BICRA: variants seen among roughly 807,000 people sequenced by gnomAD.
BICRA encodes the protein BRD4 interacting chromatin remodeling complex associated protein.
Under a neutral mutation model 96.9 loss-of-function variants are expected in BICRA, and 31 were observed. That is an observed-to-expected ratio of 0.32 (90% confidence interval 0.24 to 0.43). The LOEUF (loss-of-function observed/expected upper bound fraction) is 0.43, where lower values mean the gene tolerates loss of function less well. Ranked by LOEUF, BICRA falls within the 20% of genes least tolerant of loss-of-function variation. BICRA has a pLI of 1.00. For missense variants in BICRA, 2,283 were observed against 2,190.3 expected, an observed-to-expected ratio of 1.04 and a Z score of -0.84; for synonymous variants, 1,350 against 1,071.8, an observed-to-expected ratio of 1.26 and a Z score of -5.07.
intron 5 of BICRA, among the ~76,000 whole-genome samples, chr19:47,677,204 C>T (rs560433385): frequency 6.9e-4 from 105 of 152,256 alleles, no homozygotes; most frequent in African/African-American, 2.4e-3. Flanking sequence ...TGCCAGGGGC[C>T]GGGTGATACC....
intron 5 of BICRA, 122 bp downstream of exon 5, chr19:47,676,038 G>GGGGTGGGCCACCCAGGGT (rs1207087773): frequency 3.1e-6 from 2 of 644,292 alleles, no homozygotes; most frequent in African/African-American, 1.9e-5. Context: ...GAGGAGGGCG[G>GGGGTGGGCCACCCAGGGT]GGGTGGGCCA....
intron 1 of BICRA, among the ~76,000 whole-genome samples, chr19:47,616,924 G>A (rs559620198): frequency 4.6e-5 from 7 of 151,870 alleles, no homozygotes; most frequent in Admixed American, 3.3e-4. Context: ...CGCCTCCCAG[G>A]TTCAAGTGAT....
chr19:47,653,330 AT>A (rs144356560), intron 1 of BICRA, among the ~76,000 whole-genome samples: 9,534 of 143,932 alleles, frequency 0.066, 338 homozygotes, highest in Non-Finnish European at 0.083. Context: ...GCCTCATTCT[AT>A]TTTTTTTTTT....
At chr19:47,694,021 C>CG in intron 7 of BICRA, 94 bp from the exon 8 acceptor site, 1 of 1,404,890 alleles carries the variant, frequency 7.1e-7, no homozygotes, top group Non-Finnish European at 9.3e-7. Context: ...GGGCTTCTGG[C>CG]GGGGATGGCT....
intron 7 of BICRA, among the ~76,000 whole-genome samples, chr19:47,686,995 A>C (rs1393653841): frequency 1.3e-5 from 2 of 152,258 alleles, no homozygotes; most frequent in African/African-American, 4.8e-5. Context: ...TAATAGATGT[A>C]TATTAACATT....
rs144554024 is a variant in BICRA, at chr19:47,628,095, T to C, written c.-108+18927T>C. The stretch of plus-strand genomic sequence containing the variant: ...GGTGTGGGGTTTAATTGGGATGATA[T>C]GTTGTGGAGTGACTGGCACATGACA... On this transcript the variant is annotated intron_variant, in intron 1 of 14. Coordinates refer to ENST00000594866, the MANE Select transcript of BICRA (RefSeq NM_001394372.1). Among the ~76,000 whole-genome samples the C allele has an allele frequency of 4.5e-3, 688 of 152,298 alleles. 3 individuals are homozygous for C. Among genetic ancestry groups the C allele is most frequent in the Admixed American group, 7.7e-3 (117 of 15,290 alleles).
At chr19:47,664,809 CAG>C (rs1491427462) in intron 1 of BICRA, among the ~76,000 whole-genome samples, 1 of 152,186 alleles carries the variant, frequency 6.6e-6, no homozygotes, top group Admixed American at 6.5e-5. Context: ...TTCTGGAACT[CAG>C]GGGAACTATG....
intron 1 of BICRA, among the ~76,000 whole-genome samples, chr19:47,629,689 G>T (rs1050093476): frequency 2.0e-5 from 3 of 151,734 alleles, no homozygotes; most frequent in African/African-American, 7.3e-5. Flanking sequence ...ACGGAGTCTC[G>T]CTCTGTCGCC....
In BICRA at chr19:47,701,564, G is replaced by A. The variant is rs1016769413; in HGVS notation, c.3832G>A (p.Ala1278Thr). 5.8e-6 allele frequency: 9 copies of A among 1,551,808 alleles called. No individual in the cohort carries two copies. In the South Asian group the frequency reaches 7.1e-5, roughly 12 times the overall value. Residue 1278 changes from alanine to threonine, a missense_variant, in exon 15 of 15, where the codon GCC becomes ACC. Physicochemically the swap from Ala to Thr is moderately conservative, Grantham distance 58. Coordinates refer to ENST00000594866, the MANE Select transcript of BICRA (RefSeq NM_001394372.1). The surrounding 1 kb of genome is among the most constrained non-coding windows in gnomAD (Gnocchi z 5.4). The part of the protein sequence containing the change: ...LSSSSSSSSA[A>T]SSLDADEDGP... ...CTCCTCTTCCTCCTCCTCCTCTGCC[G>A]CCTCCTCCTTGGACGCCGACGAGGA...
chr19:47,653,085 T>G (rs1216224944), intron 1 of BICRA, among the ~76,000 whole-genome samples: 3 of 150,438 alleles, frequency 2.0e-5, no homozygotes, highest in Non-Finnish European at 4.4e-5. Flanking sequence ...TGCAGTGTTA[T>G]GTTCTCAGCT....
At chr19:47,660,129 G>T (rs1439263190) in intron 1 of BICRA, among the ~76,000 whole-genome samples, 2 of 151,980 alleles carry the variant, frequency 1.3e-5, no homozygotes, top group African/African-American at 2.4e-5. Flanking sequence ...CCAAAATGAG[G>T]GTGTTAGCAG....
chr19:47,687,821 C>CAAAA (rs5828311), intron 7 of BICRA, among the ~76,000 whole-genome samples: 14 of 123,552 alleles, frequency 1.1e-4, no homozygotes, highest in Admixed American at 1.7e-4. Flanking sequence ...GACTCTGCCT[C>CAAAA]AAAAAAAAAA....
intron 1 of BICRA, among the ~76,000 whole-genome samples, chr19:47,651,056 G>T (rs894417637): frequency 1.3e-5 from 2 of 151,992 alleles, no homozygotes; most frequent in African/African-American, 4.8e-5. Context: ...ACTGCGCCTT[G>T]TCCCCTCCGC....
intron 1 of BICRA, among the ~76,000 whole-genome samples, chr19:47,616,597 C>T (rs144719028): frequency 0.033 from 4,908 of 150,776 alleles, 235 homozygotes; most frequent in African/African-American, 0.11. Context: ...TGAGATCGCA[C>T]GATTGCACTC....
At position 47,701,501 on chromosome 19, in the gene BICRA, C is replaced by G. The variant is rs1197625165; in HGVS notation, c.3769C>G (p.Pro1257Ala). ...VIRHGGAGGS[P>A]SVTWARASSS... Reference sequence around the variant, plus strand: ...CCGGCACGGCGGGGCAGGCGGCTCCCCTTCGGTCACCTGGGCCCGGGCGTC... The same window carrying G: ...CCGGCACGGCGGGGCAGGCGGCTCCGCTTCGGTCACCTGGGCCCGGGCGTC... Residue 1257 changes from proline (P) to alanine (A), a missense_variant, in exon 15 of 15, where the codon CCT (proline) becomes GCT (alanine). By Grantham distance (27) the Pro-to-Ala change is conservative (BLOSUM62 -1). Coordinates refer to ENST00000594866, the MANE Select transcript of BICRA (RefSeq NM_001394372.1). This position sits in a 1 kb window ranked among gnomAD's most constrained non-coding sequence, Gnocchi z 5.4. The G allele has an allele frequency of 1.3e-5, 20 of 1,548,242 alleles. No individual in the cohort carries two copies. Among genetic ancestry groups the G allele is most frequent in the Middle Eastern group, 1.7e-4 (1 of 6,014 alleles).
intron 1 of BICRA, among the ~76,000 whole-genome samples, chr19:47,667,660 G>C (rs936442066): frequency 2.0e-5 from 3 of 152,144 alleles, no homozygotes; most frequent in Non-Finnish European, 2.9e-5. Flanking sequence ...CTCTTTCTGG[G>C]ATCGGGACCT....
At chr19:47,694,065 T>C in intron 7 of BICRA, 50 bp from the exon 8 acceptor site, 1 of 1,452,546 alleles carries the variant, frequency 6.9e-7, no homozygotes, top group South Asian at 1.4e-5. Flanking sequence ...ACAGGAGCTA[T>C]GGTTGGTTCT....
At position 47,657,566 on chromosome 19, in the gene BICRA, T is replaced by A. The variant is rs1220044733; in HGVS notation, c.-107-12877T>A. Reference sequence around the variant, plus strand: ...TACCCACCACCACTCCCGGCTAATATTTTGTATTTTTAGTAAAGACGGAGT... The same window carrying A: ...TACCCACCACCACTCCCGGCTAATAATTTGTATTTTTAGTAAAGACGGAGT... On this transcript the variant is annotated intron_variant, in intron 1 of 14. Coordinates refer to ENST00000594866, the MANE Select transcript of BICRA (RefSeq NM_001394372.1). 2.6e-5 allele frequency among the ~76,000 whole-genome samples: 4 copies of A among 151,916 alleles called. No individual in the cohort carries two copies. In the East Asian group the frequency reaches 5.8e-4, roughly 22 times the overall value.
At chr19:47,653,231 CAGGCTGGTCT>C (rs1271983911) in intron 1 of BICRA, among the ~76,000 whole-genome samples, 2 of 151,932 alleles carry the variant, frequency 1.3e-5, no homozygotes, top group East Asian at 3.9e-4. Flanking sequence ...TCATGTTGGC[CAGGCTGGTCT>C]CAAACTCCTG....
Sources: gnomAD v4.1 joint callset for allele counts (sites outside exome capture counted in the v4.1 genomes callset) on GRCh38, gnomAD v4.1.1 for gene constraint, Gnocchi (gnomAD v3.1) non-coding constraint, MANE v1.5 for transcripts, NCBI Gene and HGNC (gene_info 2026-07-23, HGNC 2026-07-21) for gene names.